The following ASPH variants were observed in gnomAD, a reference collection of about 807,000 sequenced individuals.
The protein encoded by ASPH is aspartate beta-hydroxylase, also known as aspartyl/asparaginyl beta-hydroxylase.
In ASPH, 100 loss-of-function variants were observed where a neutral mutation model predicts 118.4. That is an observed-to-expected ratio of 0.84 (90% confidence interval 0.72 to 1.00). ASPH has a LOEUF of 1.00. ASPH is among the 50% of genes least tolerant of loss of function. The pLI, the probability that ASPH is intolerant of heterozygous loss-of-function variation, is 0.00. For missense variants in ASPH, 920 were observed against 919.5 expected, an observed-to-expected ratio of 1.00 and a Z score of -0.01; for synonymous variants, 315 against 325.6, an observed-to-expected ratio of 0.97 and a Z score of 0.35.
chr8:61,703,461 T>C (rs1835751265), intron 1 of ASPH, among the ~76,000 whole-genome samples: 1 of 152,212 alleles, frequency 6.6e-6, no homozygotes, highest in Non-Finnish European at 1.5e-5. Context: ...AACAGTTCTA[T>C]GTCTACATCC....
At chr8:61,594,750 G>A (rs1405249620) in intron 14 of ASPH, among the ~76,000 whole-genome samples, 1 of 152,120 alleles carries the variant, frequency 6.6e-6, no homozygotes, top group South Asian at 2.1e-4. Context: ...TTTTGTCATA[G>A]TGTGTATGTA....
intron 1 of ASPH, among the ~76,000 whole-genome samples, chr8:61,694,619 A>G (rs1169379240): frequency 6.6e-6 from 1 of 152,064 alleles, no homozygotes; most frequent in African/African-American, 2.4e-5. Context: ...TGGCACTCCT[A>G]ACACCTCTTT....
chr8:61,654,335 A>G (rs1443890771), intron 3 of ASPH, among the ~76,000 whole-genome samples: 2 of 152,214 alleles, frequency 1.3e-5, no homozygotes, highest in Non-Finnish European at 2.9e-5. Flanking sequence ...AAGTTATTTG[A>G]TATTTTGTAT....
chr8:61,664,474 C>G, intron 3 of ASPH: 1 of 984,750 alleles, frequency 1.0e-6, no homozygotes, highest in Non-Finnish European at 1.2e-6. Flanking sequence ...TTATTCATGG[C>G]TATGGCCACA....
At chr8:61,658,038 C>T (rs1005479238) in intron 3 of ASPH, 3 of 152,090 alleles carry the variant, frequency 2.0e-5, no homozygotes, top group African/African-American at 7.2e-5. Context: ...CAGTATAAAT[C>T]AATTTATCCC....
At chr8:61,589,718 C>T (rs1840517100) in intron 14 of ASPH, among the ~76,000 whole-genome samples, 2 of 152,280 alleles carry the variant, frequency 1.3e-5, no homozygotes, top group South Asian at 4.1e-4. Context: ...TGTTCACCGG[C>T]TTGTTTATTC....
intron 20 of ASPH, among the ~76,000 whole-genome samples, chr8:61,550,468 C>CAT (rs10600582): frequency 6.8e-6 from 1 of 146,306 alleles, no homozygotes; most frequent in Non-Finnish European, 1.5e-5. Context: ...CACACACACA[C>CAT]ATAAGAGAAA....
intron 21 of ASPH, among the ~76,000 whole-genome samples, chr8:61,537,066 A>C (rs1819904778): frequency 6.6e-6 from 1 of 152,208 alleles, no homozygotes; most frequent in Non-Finnish European, 1.5e-5. Context: ...GGTTGCCAGG[A>C]CAAACAACCA....
At chr8:61,552,803 C>A (rs564920311) in intron 20 of ASPH, among the ~76,000 whole-genome samples, 2 of 152,112 alleles carry the variant, frequency 1.3e-5, no homozygotes, top group Non-Finnish European at 2.9e-5. Context: ...GATTACTTAG[C>A]TGATTTCTTG....
intron 16 of ASPH, among the ~76,000 whole-genome samples, chr8:61,568,901 A>G (rs967020439): frequency 6.6e-6 from 1 of 152,194 alleles, no homozygotes; most frequent in East Asian, 1.9e-4. Flanking sequence ...CAGCTGGCAG[A>G]GGGTAATGTG....
At chr8:61,542,614 G>T (rs540010114) in intron 21 of ASPH, among the ~76,000 whole-genome samples, 1 of 152,068 alleles carries the variant, frequency 6.6e-6, no homozygotes, top group East Asian at 1.9e-4. Context: ...ATTGGTTTTG[G>T]AATAAGATAG....
chr8:61,710,878 T>G (rs1837908160), intron 1 of ASPH, among the ~76,000 whole-genome samples: 1 of 152,108 alleles, frequency 6.6e-6, no homozygotes, highest in South Asian at 2.1e-4. Flanking sequence ...TAAACTAAAC[T>G]CAGAAGTGTG....
At chr8:61,561,636 A>G (rs778939175) in intron 18 of ASPH, among the ~76,000 whole-genome samples, 3 of 152,190 alleles carry the variant, frequency 2.0e-5, no homozygotes, top group Non-Finnish European at 4.4e-5. Flanking sequence ...AAATACTGTA[A>G]AAGGAGTAGG....
intron 14 of ASPH, among the ~76,000 whole-genome samples, chr8:61,613,761 G>A (rs1848188743): frequency 1.3e-5 from 2 of 152,098 alleles, no homozygotes; most frequent in African/African-American, 4.8e-5. Flanking sequence ...ATAAGCAGGG[G>A]CTATATCCTG....
intron 18 of ASPH, among the ~76,000 whole-genome samples, chr8:61,558,255 G>A (rs1421792474): frequency 1.3e-5 from 2 of 152,158 alleles, no homozygotes; most frequent in African/African-American, 2.4e-5. Flanking sequence ...AGCTCTGAAA[G>A]GTATTTAGGG....
Position 61,579,472 on chromosome 8 carries a change from G to T in ASPH, c.1063-2614C>A, listed in dbSNP as rs993344841. 4.9e-5 allele frequency: 78 copies of T among 1,602,866 alleles called. No individual in the cohort carries two copies. The African/African-American group carries it at 1.0e-3, about 21-fold the overall frequency. ...AGTATTCATACGAAGACCACCAGCG[G>T]CTATGCAGGTGGTCTGAGCTCGGCC... On this transcript the variant is annotated intron_variant, in intron 15 of 24. Transcript: ENST00000379454.
chr8:61,661,754 C>A, intron 3 of ASPH: 1 of 353,186 alleles, frequency 2.8e-6, no homozygotes, highest in Non-Finnish European at 5.1e-6. Flanking sequence ...TACAAACTTG[C>A]ATAGCTAAGC....
intron 3 of ASPH, among the ~76,000 whole-genome samples, chr8:61,668,506 C>T (rs1179440347): frequency 6.6e-6 from 1 of 152,180 alleles, no homozygotes; most frequent in African/African-American, 2.4e-5. Flanking sequence ...TAACCAACTT[C>T]ACAATTTGGC....
At chr8:61,511,527 T>G (rs1328610525) in intron 24 of ASPH, among the ~76,000 whole-genome samples, 2 of 152,200 alleles carry the variant, frequency 1.3e-5, no homozygotes, top group Admixed American at 6.5e-5. Context: ...CTGAGTATAA[T>G]AATTAATTCC....
Sources: allele counts gnomAD v4.1 joint callset (sites outside exome capture counted in the v4.1 genomes callset), GRCh38; gene constraint gnomAD v4.1.1; transcripts MANE v1.5; gene names NCBI Gene and HGNC (gene_info 2026-07-23, HGNC 2026-07-21).